The following OR13A1 variants were observed in gnomAD, a reference collection of about 807,000 sequenced individuals.
The protein encoded by OR13A1 is olfactory receptor family 13 subfamily A member 1.
In OR13A1, 10 loss-of-function variants were observed where a neutral mutation model predicts 7.5. The ratio of observed to expected loss-of-function variants is 1.34; its 90% CI spans 0.83 to 2.27. OR13A1 has a LOEUF of 2.27. Ranked by LOEUF, OR13A1 falls within the 30% of genes most tolerant of loss-of-function variation. OR13A1 has a pLI of 0.00. For synonymous variants in OR13A1, 238 were observed against 177.9 expected, an observed-to-expected ratio of 1.34 and a Z score of -2.69; for missense variants, 509 against 419.1, an observed-to-expected ratio of 1.21 and a Z score of -1.87.
chr10:45,305,509 A>G (rs1838310302), intron 3 of OR13A1, among the ~76,000 whole-genome samples: 1 of 152,214 alleles, frequency 6.6e-6, no homozygotes, highest in Non-Finnish European at 1.5e-5. Context: ...CTTTTTCTAT[A>G]AAATGACCTC....
At position 45,315,313 on chromosome 10, in the gene OR13A1, C is replaced by CA. The variant is rs974689966; in HGVS notation, c.-225+210dup. Reference sequence around the variant, plus strand: ...AGAATGACAGAATGAGATTTCATCTCAAAAAAAAAGAATAATACAACATGC... The same window carrying CA: ...AGAATGACAGAATGAGATTTCATCTCAAAAAAAAAAGAATAATACAACATGC... On this transcript the variant is annotated intron_variant, in intron 1 of 3. Coordinates refer to ENST00000553795, the MANE Select transcript of OR13A1 (RefSeq NM_001004297.3). Among the ~76,000 whole-genome samples the CA allele has an allele frequency of 6.2e-4, 91 of 147,624 alleles. No individual in the cohort carries two copies. The East Asian group carries it at 0.015, about 24-fold the overall frequency.
chr10:45,303,765 C>G lies in OR13A1; in HGVS notation c.658G>C (p.Ala220Pro), dbSNP rs1838259588. 1.2e-6 allele frequency: 2 copies of G among 1,614,076 alleles called. No individual in the cohort carries two copies. The highest frequency in any genetic ancestry group is 1.7e-6 in the Non-Finnish European group (2 of 1,180,046). Residue 220 changes from alanine to proline, a missense_variant, in exon 4 of 4, where the codon GCG becomes CCG. By Grantham distance (27) the Ala-to-Pro change is conservative. Transcript: ENST00000553795. The part of the protein sequence containing the change: ...TYVNGVMIVL[A>P]DAFYGIVNFL... ...TTCACTATGCCGTAGAAAGCATCCG[C>G]CAGGACAATCATGACACCGTTGACG... is the stretch of plus-strand genomic sequence containing the variant.
rs1361182469 is a variant in OR13A1, at chr10:45,312,402, T to C, written c.-225+3122A>G. On this transcript the variant is annotated intron_variant, in intron 1 of 3. Coordinates refer to ENST00000553795, the MANE Select transcript of OR13A1 (RefSeq NM_001004297.3). ...ACAAAGATAAGAATTACAGCAGAGT[T>C]TCTATACAATCAGTACAAGCAAGAA... Among the ~76,000 whole-genome samples the C allele has an allele frequency of 2.0e-5, 3 of 151,948 alleles. No homozygotes were observed. In the East Asian group the frequency reaches 5.8e-4, roughly 29 times the overall value.
intron 1 of OR13A1, among the ~76,000 whole-genome samples, chr10:45,312,037 G>T (rs1348868141): frequency 6.6e-6 from 1 of 151,884 alleles, no homozygotes; most frequent in Admixed American, 6.6e-5. Flanking sequence ...AGCAAATTAG[G>T]GAAAAGTATA....
At position 45,314,764 on chromosome 10, in the gene OR13A1, A is replaced by G. The variant is rs145266272; in HGVS notation, c.-225+760T>C. Reference sequence around the variant, plus strand: ...TGCCATAGAAATCAAAAGGATTATAAGAAAATACCATCAACAGTTAATTAT... The same window carrying G: ...TGCCATAGAAATCAAAAGGATTATAGGAAAATACCATCAACAGTTAATTAT... On this transcript the variant is annotated intron_variant, in intron 1 of 3. Coordinates refer to ENST00000553795, the MANE Select transcript of OR13A1 (RefSeq NM_001004297.3). Among the ~76,000 whole-genome samples the G allele has an allele frequency of 1.7e-3, 254 of 152,318 alleles. 2 individuals are homozygous for G. Among genetic ancestry groups the G allele is most frequent in the African/African-American group, 5.9e-3 (244 of 41,588 alleles).
intron 1 of OR13A1, chr10:45,308,752 A>T (rs1390384510): frequency 2.0e-5 from 3 of 152,192 alleles, no homozygotes; most frequent in Non-Finnish European, 4.4e-5. Context: ...AACAGACTTT[A>T]TGTATAGCTG....
At chr10:45,306,159 A>G (rs1838325099) in intron 3 of OR13A1, among the ~76,000 whole-genome samples, 1 of 152,224 alleles carries the variant, frequency 6.6e-6, no homozygotes, top group African/African-American at 2.4e-5. Flanking sequence ...TTATTCATTA[A>G]AAGTTAAGGA....
rs1419530310 is a variant in OR13A1, at chr10:45,303,594, A to G, written c.829T>C (p.Tyr277His). 3 of 1,614,056 alleles carry G rather than the reference A, an allele frequency of 1.9e-6. No homozygotes were observed. The highest frequency in any genetic ancestry group is 2.5e-6 in the Non-Finnish European group (3 of 1,180,036). ...CMYYTAVFYAYISPVSGYSAG... is the reference protein window; with the variant it reads ...CMYYTAVFYAHISPVSGYSAG... ...CTGTAGCCAGAGACCGGGCTTATGTAGGCGTAGAAGACAGCGGTGTAATAC... is the reference window on the plus strand; with the variant it reads ...CTGTAGCCAGAGACCGGGCTTATGTGGGCGTAGAAGACAGCGGTGTAATAC... The change falls in exon 4 of 4, where the codon TAC becomes CAC. Residue 277 changes from tyrosine to histidine, a missense_variant. Physicochemically the swap from Tyr to His is moderately conservative, Grantham distance 83 (BLOSUM62 2). Coordinates refer to ENST00000553795, the MANE Select transcript of OR13A1 (RefSeq NM_001004297.3).
In OR13A1 at chr10:45,303,303, C is replaced by G. The variant is rs1008263126; in HGVS notation, c.*133G>C. On this transcript the variant is annotated 3_prime_UTR_variant, in exon 4 of 4. Transcript: ENST00000553795. ...ATCACCAAGTCTCAGGGAACCAGCA[C>G]TCCCAGCTCATCCATGCACAGGTTC... The G allele has an allele frequency of 3.1e-6, 3 of 967,040 alleles. No homozygotes were observed. In the African/African-American group the frequency reaches 4.9e-5, roughly 16 times the overall value. 59.9% of individuals were successfully genotyped at this position (967,040 alleles called of 1,614,324 possible).
In OR13A1 at chr10:45,303,902, G is replaced by A. The variant is rs1317017184; in HGVS notation, c.521C>T (p.Thr174Met). 6.2e-6 allele frequency: 10 copies of A among 1,613,424 alleles called. No individual in the cohort carries two copies. Among genetic ancestry groups the A allele is most frequent in the Middle Eastern group, 1.6e-4 (1 of 6,084 alleles). The change falls in exon 4 of 4, where the codon ACG becomes ATG. Residue 174 changes from threonine to methionine, a missense_variant. By Grantham distance (81) the Thr-to-Met change is moderately conservative (BLOSUM62 -1). Coordinates refer to ENST00000553795, the MANE Select transcript of OR13A1 (RefSeq NM_001004297.3). ...CAGCATCAGCCCCGTGTGGATGGCC[G>A]TGTTGACGGCGCAGAGCAGCCACAC... ...TAVWLLCAVN[T>M]AIHTGLMLRL...
Position 45,304,124 on chromosome 10 carries a change from A to G in OR13A1, c.299T>C (p.Leu100Pro). ...ICTSSIMPKA[L>P]ASLVSEESSI... ...GCTCTCTTCCGACACCAGACTGGCC[A>G]GCGCCTTGGGCATGATGGAAGAGGT... The change falls in exon 4 of 4, where the codon CTG (leucine) becomes CCG (proline). Residue 100 changes from leucine (L) to proline (P), a missense_variant. Physicochemically the swap from Leu to Pro is moderately conservative, Grantham distance 98. Transcript: ENST00000553795. 6.2e-7 allele frequency: 1 copy of G among 1,614,240 alleles called. No homozygotes were observed. Among genetic ancestry groups the G allele is most frequent in the Non-Finnish European group, 8.5e-7 (1 of 1,180,042 alleles).
At position 45,304,204 on chromosome 10, in the gene OR13A1, G is replaced by T; in HGVS notation, c.219C>A (p.Leu73=). The T allele has an allele frequency of 6.2e-7, 1 of 1,614,182 alleles. No homozygotes were observed. The highest frequency in any genetic ancestry group is 8.5e-7 in the Non-Finnish European group (1 of 1,180,042). ...ITLAITFNPG[L]HAPMYFFLLN... ...GTAAGAAAAAGTACATAGGAGCGTGGAGCCCAGGGTTGAACGTGATGGCCA... is the reference window on the plus strand; with the variant it reads ...GTAAGAAAAAGTACATAGGAGCGTGTAGCCCAGGGTTGAACGTGATGGCCA... The change falls in exon 4 of 4, where the codon CTC becomes CTA. Residue 73 remains leucine (L), a synonymous_variant. Transcript: ENST00000553795.
chr10:45,308,022 TTTAA>T (rs1417200307), intron 1 of OR13A1, among the ~76,000 whole-genome samples: 2 of 152,224 alleles, frequency 1.3e-5, no homozygotes, highest in Non-Finnish European at 2.9e-5. Context: ...ATTTAAAAGA[TTTAA>T]TTAATAATGG....
chr10:45,303,947 C>A lies in OR13A1; in HGVS notation c.476G>T (p.Cys159Phe). ...CCACACGGCTGTGGCCAGCCCGCTGCAGAACACCTTGCTCATCATGCTGCT... is the reference window on the plus strand; with the variant it reads ...CCACACGGCTGTGGCCAGCCCGCTGAAGAACACCTTGCTCATCATGCTGCT... ...HYSSMMSKVF[C>F]SGLATAVWLL... The change falls in exon 4 of 4, where the codon TGC becomes TTC. Residue 159 changes from cysteine to phenylalanine, a missense_variant. Coordinates refer to ENST00000553795, the MANE Select transcript of OR13A1 (RefSeq NM_001004297.3). 6.2e-7 allele frequency: 1 copy of A among 1,613,714 alleles called. No homozygotes were observed. The highest frequency in any genetic ancestry group is 8.5e-7 in the Non-Finnish European group (1 of 1,179,970).
rs756684773 is a variant in OR13A1, at chr10:45,304,206, G to T, written c.217C>A (p.Leu73Ile). Residue 73 changes from leucine (L) to isoleucine (I), a missense_variant, in exon 4 of 4, where the codon CTC (leucine) becomes ATC (isoleucine). Coordinates refer to ENST00000553795, the MANE Select transcript of OR13A1 (RefSeq NM_001004297.3). Reference protein sequence around the residue: ...ITLAITFNPGLHAPMYFFLLN... With the variant: ...ITLAITFNPGIHAPMYFFLLN... Reference sequence around the variant, plus strand: ...AAGAAAAAGTACATAGGAGCGTGGAGCCCAGGGTTGAACGTGATGGCCAAG... The same window carrying T: ...AAGAAAAAGTACATAGGAGCGTGGATCCCAGGGTTGAACGTGATGGCCAAG... The T allele has an allele frequency of 6.2e-7, 1 of 1,614,204 alleles. No individual in the cohort carries two copies. The highest frequency in any genetic ancestry group is 8.5e-7 in the Non-Finnish European group (1 of 1,180,042).
chr10:45,304,240 G>A lies in OR13A1; in HGVS notation c.183C>T (p.Val61=). 6.2e-7 allele frequency: 1 copy of A among 1,612,210 alleles called. No individual in the cohort carries two copies. Among genetic ancestry groups the A allele is most frequent in the Non-Finnish European group, 8.5e-7 (1 of 1,178,326 alleles). The change falls in exon 4 of 4, where the codon GTC becomes GTT. Residue 61 remains valine (V), a synonymous_variant. Transcript: ENST00000553795. ...FLYSGALTGN[V]LITLAITFNP... ...TGAACGTGATGGCCAAGGTGATGAG[G>A]ACATTACCTGTGAGGGCCCCAGAGT...
Position 45,303,644 on chromosome 10 carries a change from G to C in OR13A1, c.779C>G (p.Ser260Cys). ...CATGCACACCACGGTGAGGTGGGAA[G>C]AGCAGGTGGAGAAGGCTTTCTGCCT... ...WGRQKAFSTC[S>C]SHLTVVCMYY... is the part of the protein sequence containing the mutation. Residue 260 changes from serine to cysteine, a missense_variant, in exon 4 of 4, where the codon TCT becomes TGT. Transcript: ENST00000553795. 6.2e-7 allele frequency: 1 copy of C among 1,614,220 alleles called. No individual in the cohort carries two copies. Among genetic ancestry groups the C allele is most frequent in the Non-Finnish European group, 8.5e-7 (1 of 1,180,038 alleles).
At chr10:45,313,884 A>G (rs1838482637) in intron 1 of OR13A1, among the ~76,000 whole-genome samples, 1 of 152,180 alleles carries the variant, frequency 6.6e-6, no homozygotes, top group African/African-American at 2.4e-5. Flanking sequence ...AAGGAAATAC[A>G]GTACTTGAAC....
chr10:45,303,854 T>A lies in OR13A1; in HGVS notation c.569A>T (p.Asn190Ile). 1 of 1,612,798 alleles carries A rather than the reference T, an allele frequency of 6.2e-7. No homozygotes were observed. The highest frequency in any genetic ancestry group is 1.6e-4 in the Middle Eastern group (1 of 6,062). Residue 190 changes from asparagine to isoleucine, a missense_variant, in exon 4 of 4, where the codon AAT becomes ATT. Physicochemically the swap from Asn to Ile is moderately radical, Grantham distance 149. Coordinates refer to ENST00000553795, the MANE Select transcript of OR13A1 (RefSeq NM_001004297.3). Reference protein sequence around the residue: ...LMLRLDFCGPNVIIHFFCEVP... With the variant: ...LMLRLDFCGPIVIIHFFCEVP... ...CTCGCAGAAGAAATGGATAATGACA[T>A]TGGGGCCACAGAAATCCAAGCGCAG...
Sources: gnomAD v4.1 joint callset for allele counts (sites outside exome capture counted in the v4.1 genomes callset) on GRCh38, gnomAD v4.1.1 for gene constraint, MANE v1.5 for transcripts, NCBI Gene and HGNC (gene_info 2026-07-23, HGNC 2026-07-21) for gene names.